PRAMEF1: variants seen among roughly 807,000 people sequenced by gnomAD.
PRAMEF1 encodes the protein PRAME family member 1.
Under a neutral mutation model 38.2 loss-of-function variants are expected in PRAMEF1, and 21 were observed. The ratio of observed to expected loss-of-function variants is 0.55; its 90% CI spans 0.39 to 0.79. The LOEUF (loss-of-function observed/expected upper bound fraction) is 0.79, where lower values mean the gene tolerates loss of function less well. PRAMEF1 is among the 30% of genes least tolerant of loss of function. The pLI is 0.00. For synonymous variants in PRAMEF1, 200 were observed against 229.0 expected (o/e 0.87, Z 1.14); for missense variants, 497 against 565.8 (o/e 0.88, Z 1.23).
At position 12,796,025 on chromosome 1, in the gene PRAMEF1, TC is replaced by T. The variant is rs201811966; in HGVS notation, c.*31del. 59,464 of 1,575,114 alleles carry T rather than the reference TC, an allele frequency of 0.038. 2,138 individuals are homozygous for T. Among genetic ancestry groups the T allele is most frequent in the Non-Finnish European group, 0.042 (48,776 of 1,158,656 alleles). On this transcript the variant is annotated 3_prime_UTR_variant, in exon 4 of 4. Coordinates refer to ENST00000332296, the MANE Select transcript of PRAMEF1 (RefSeq NM_023013.4). ...AGGCGTGCCCAGTGGGGTAGAGAAA[TC>T]CAAAGTTCTCTTCCAGGCACTTGGA...
intron 1 of PRAMEF1, among the ~76,000 whole-genome samples, chr1:12,792,585 GT>G (rs1417149293): frequency 6.6e-6 from 1 of 151,154 alleles, no homozygotes; most frequent in Non-Finnish European, 1.5e-5. Context: ...TTATCAATTT[GT>G]TTTTGTTTGA....
Position 12,793,967 on chromosome 1 carries a change from G to A in PRAMEF1, c.340G>A (p.Ala114Thr), listed in dbSNP as rs371596683. The change falls in exon 3 of 4, where the codon GCC becomes ACC. Residue 114 changes from alanine (A) to threonine (T), a missense_variant. Ala to Thr is a moderately conservative substitution (Grantham distance 58). Around this residue, in one of 2 missense-constraint regions of PRAMEF1, gnomAD observed 470 missense variants for 501.9 expected, o/e 0.94. Coordinates refer to ENST00000332296, the MANE Select transcript of PRAMEF1 (RefSeq NM_023013.4). Reference protein sequence around the residue: ...DLRDVDENFWARWPGAWALSC... With the variant: ...DLRDVDENFWTRWPGAWALSC... ...GCGGGATGTTGACGAGAATTTCTGG[G>A]CCAGATGGCCTGGAGCCTGGGCCCT... The A allele has an allele frequency of 3.1e-6, 5 of 1,609,092 alleles. No homozygotes were observed. In the African/African-American group the frequency reaches 4.0e-5, roughly 13 times the overall value.
intron 1 of PRAMEF1, among the ~76,000 whole-genome samples, chr1:12,792,373 C>A (rs2100295810): frequency 6.6e-6 from 1 of 151,302 alleles, no homozygotes; most frequent in South Asian, 2.1e-4. Flanking sequence ...TACCATCACA[C>A]CACTTTTACA....
rs1445371390 is a variant in PRAMEF1 at position 12,794,952 on chromosome 1, T to C, written c.866+459T>C. 5.3e-6 allele frequency: 7 copies of C among 1,322,192 alleles called. No individual in the cohort carries two copies. In the East Asian group the frequency reaches 3.7e-4, roughly 69 times the overall value. The allele number at this position is 1,322,192 out of a possible 1,614,324, so 81.9% of individuals were successfully genotyped here. On this transcript the variant is annotated intron_variant, in intron 3 of 3. Coordinates refer to ENST00000332296, the MANE Select transcript of PRAMEF1 (RefSeq NM_023013.4). ...CTGATTCCCTGTTTGTAAAAGGTTG[T>C]TTTGAACTCCAGGAAAGGTAATTGA...
rs1639399275 is a variant in PRAMEF1 at position 12,796,101 on chromosome 1, A to T, written c.*105A>T. On this transcript the variant is annotated 3_prime_UTR_variant, in exon 4 of 4. Coordinates refer to ENST00000332296, the MANE Select transcript of PRAMEF1 (RefSeq NM_023013.4). ...AAACTATTTTTCTCTTTTCTTATTT[A>T]TTTCATTTTTTAATAATTCCAAAAT... 7 of 1,324,786 alleles carry T rather than the reference A, an allele frequency of 5.3e-6. No homozygotes were observed. The highest frequency in any genetic ancestry group is 7.1e-6 in the Non-Finnish European group (7 of 987,280). The allele number at this position is 1,324,786 out of a possible 1,614,324, so 82.1% of individuals were successfully genotyped here. A position where few individuals can be genotyped will look rare whatever the true frequency, so the allele number is the denominator to read the frequency against.
At position 12,793,448 on chromosome 1, in the gene PRAMEF1, A is replaced by G. The variant is rs760745328; in HGVS notation, c.221A>G (p.His74Arg). The G allele has an allele frequency of 1.9e-6, 3 of 1,609,678 alleles. No individual in the cohort carries two copies. The highest frequency in any genetic ancestry group is 2.5e-6 in the Non-Finnish European group (3 of 1,177,852). The change falls in exon 2 of 4, where the codon CAT becomes CGT. Residue 74 changes from histidine (H) to arginine (R), a missense_variant. Coordinates refer to ENST00000332296, the MANE Select transcript of PRAMEF1 (RefSeq NM_023013.4). Reference protein sequence around the residue: ...LPLGSLMKTLHLETLKALLEG... With the variant: ...LPLGSLMKTLRLETLKALLEG... Reference sequence around the variant, plus strand: ...CTGGGATCACTGATGAAGACGCTTCATTTGGAGACCTTAAAAGCATTGCTG... The same window carrying G: ...CTGGGATCACTGATGAAGACGCTTCGTTTGGAGACCTTAAAAGCATTGCTG...
intron 1 of PRAMEF1, among the ~76,000 whole-genome samples, chr1:12,792,856 T>C (rs748285688): frequency 1.3e-5 from 2 of 151,056 alleles, no homozygotes; most frequent in South Asian, 2.1e-4. Context: ...TAAAAAATAA[T>C]GGCATCGATT....
Position 12,794,213 on chromosome 1 carries a change from A to G in PRAMEF1, c.586A>G (p.Arg196Gly), listed in dbSNP as rs559968047. The G allele has an allele frequency of 5.0e-4, 798 of 1,611,316 alleles. 24 individuals carry two copies. The South Asian group carries it at 8.4e-3, about 17-fold the overall frequency. ...VNYLTPIKYL[R>G]KSLKIIYLNS... ...TTATCTAACGCCGATTAAATATCTCAGAAAGTCATTGAAAATAATATACCT... is the reference window on the plus strand; with the variant it reads ...TTATCTAACGCCGATTAAATATCTCGGAAAGTCATTGAAAATAATATACCT... Residue 196 changes from arginine (R) to glycine (G), a missense_variant, in exon 3 of 4, where the codon AGA (arginine) becomes GGA (glycine). Arg to Gly is a moderately radical substitution (Grantham distance 125, BLOSUM62 -2). Coordinates refer to ENST00000332296, the MANE Select transcript of PRAMEF1 (RefSeq NM_023013.4).
At position 12,793,346 on chromosome 1, in the gene PRAMEF1, T is replaced by C; in HGVS notation, c.119T>C (p.Phe40Ser). ...ELPRVLYLPL[F>S]MEAFSRRHFQ... ...CCCAGGGTGCTCTATCTCCCACTCT[T>C]CATGGAGGCCTTCAGCAGGAGACAC... The change falls in exon 2 of 4, where the codon TTC (phenylalanine) becomes TCC (serine). Residue 40 changes from phenylalanine to serine, a missense_variant. Phe to Ser is a radical substitution (Grantham distance 155). Around this residue, in one of 2 missense-constraint regions of PRAMEF1, gnomAD observed 470 missense variants for 501.9 expected, o/e 0.94. Coordinates refer to ENST00000332296, the MANE Select transcript of PRAMEF1 (RefSeq NM_023013.4). 6.2e-7 allele frequency: 1 copy of C among 1,609,588 alleles called. No homozygotes were observed. Among genetic ancestry groups the C allele is most frequent in the Non-Finnish European group, 8.5e-7 (1 of 1,177,866 alleles).
chr1:12,792,713 G>A (rs2359495), intron 1 of PRAMEF1, among the ~76,000 whole-genome samples: 1 of 151,172 alleles, frequency 6.6e-6, no homozygotes, highest in African/African-American at 2.4e-5. Context: ...GTAGAGACAT[G>A]GTTTCATTAT....
chr1:12,794,304 G>A lies in PRAMEF1; in HGVS notation c.677G>A (p.Cys226Tyr), dbSNP rs771105453. The A allele has an allele frequency of 6.2e-7, 1 of 1,612,106 alleles. No homozygotes were observed. Among genetic ancestry groups the A allele is most frequent in the Non-Finnish European group, 8.5e-7 (1 of 1,179,034 alleles). ...CCACGTCTGATAAGAAAGCTTCGTT[G>A]TTACCTGAAGGAGATGAAGAATCTT... is the stretch of plus-strand genomic sequence containing the variant. ...SWPRLIRKLR[C>Y]YLKEMKNLRK... Residue 226 changes from cysteine to tyrosine, a missense_variant, in exon 3 of 4, where the codon TGT becomes TAT. Physicochemically the swap from Cys to Tyr is radical, Grantham distance 194 (BLOSUM62 -2). Around this residue, in one of 2 missense-constraint regions of PRAMEF1, gnomAD observed 470 missense variants for 501.9 expected, o/e 0.94. Transcript: ENST00000332296.
chr1:12,793,269 G>A lies in PRAMEF1; in HGVS notation c.42G>A (p.Gly14=), dbSNP rs201244464. Residue 14 remains glycine (G), a synonymous_variant, in exon 2 of 4, where the codon GGG becomes GGA. Transcript: ENST00000332296. ...CACCCAGACTACTGGAGCTGGCAGG[G>A]CAGAGCCTGCTGAGAGACCAGGCCT... ...QAPPRLLELA[G]QSLLRDQALS... is the part of the protein sequence containing the mutation. The A allele has an allele frequency of 1.7e-4, 275 of 1,607,476 alleles. 11 individuals carry two copies. Among genetic ancestry groups the A allele is most frequent in the South Asian group, 5.6e-4 (51 of 90,324 alleles).
In PRAMEF1 at chr1:12,793,407, C is replaced by T. The variant is rs751030698; in HGVS notation, c.180C>T (p.Pro60=). 1.2e-6 allele frequency: 2 copies of T among 1,610,152 alleles called. No individual in the cohort carries two copies. Among genetic ancestry groups the T allele is most frequent in the African/African-American group, 1.3e-5 (1 of 74,802 alleles). ...QTLTVMVQAW[P]FTCLPLGSLM... The stretch of plus-strand genomic sequence containing the variant: ...TGACGGTGATGGTTCAGGCCTGGCC[C>T]TTCACCTGCCTCCCTCTGGGATCAC... The change falls in exon 2 of 4, where the codon CCC becomes CCT. Residue 60 remains proline, a synonymous_variant. Coordinates refer to ENST00000332296, the MANE Select transcript of PRAMEF1 (RefSeq NM_023013.4).
chr1:12,794,998 G>A lies in PRAMEF1; in HGVS notation c.867-440G>A, dbSNP rs769492378. 1.6e-5 allele frequency: 21 copies of A among 1,313,806 alleles called. 1 individual carries two copies. The East Asian group carries it at 4.7e-4, about 29-fold the overall frequency. The allele number at this position is 1,313,806 out of a possible 1,614,324, so 81.4% of individuals were successfully genotyped here. ...ATTGACATGGGAAATGCGTGCTTCC[G>A]GGATGGAGGTGAGGGAGTAGGCGTG... On this transcript the variant is annotated intron_variant, in intron 3 of 3. Coordinates refer to ENST00000332296, the MANE Select transcript of PRAMEF1 (RefSeq NM_023013.4).
In PRAMEF1 at chr1:12,795,503, A is replaced by C; in HGVS notation, c.932A>C (p.Lys311Thr). 7 of 1,612,370 alleles carry C rather than the reference A, an allele frequency of 4.3e-6. No individual in the cohort carries two copies. The highest frequency in any genetic ancestry group is 5.9e-6 in the Non-Finnish European group (7 of 1,179,224). ...GGCTACCTATTGGAAGAAGACATGA[A>C]GTGTCTCTCCCAGTACCCAAGCCTC... ...TYGYLLEEDM[K>T]CLSQYPSLGY... Residue 311 changes from lysine (K) to threonine (T), a missense_variant, in exon 4 of 4, where the codon AAG becomes ACG. Lys to Thr is a moderately conservative substitution (Grantham distance 78). Around this residue, in one of 2 missense-constraint regions of PRAMEF1, gnomAD observed 470 missense variants for 501.9 expected, o/e 0.94. Transcript: ENST00000332296.
At position 12,795,928 on chromosome 1, in the gene PRAMEF1, G is replaced by A. The variant is rs757140413; in HGVS notation, c.1357G>A (p.Gly453Ser). 1.9e-6 allele frequency: 3 copies of A among 1,610,950 alleles called. No individual in the cohort carries two copies. The highest frequency in any genetic ancestry group is 2.5e-6 in the Non-Finnish European group (3 of 1,179,664). ...CAGGCAGCCCAAGAGGATCTTCATT[G>A]GCCCCACCCCCTGCCCTTCCTGTGG... ...EVRQPKRIFI[G>S]PTPCPSCGSS... is the part of the protein sequence containing the mutation. The change falls in exon 4 of 4, where the codon GGC becomes AGC. Residue 453 changes from glycine (G) to serine (S), a missense_variant. Gly to Ser is a moderately conservative substitution (Grantham distance 56). Coordinates refer to ENST00000332296, the MANE Select transcript of PRAMEF1 (RefSeq NM_023013.4).
intron 3 of PRAMEF1, 84 bp from the exon 4 acceptor site, chr1:12,795,354 T>C: frequency 4.1e-6 from 6 of 1,448,838 alleles, no homozygotes; most frequent in Non-Finnish European, 4.7e-6. Context: ...TTGTGTTTGT[T>C]TGACGCAGGC....
In PRAMEF1 at chr1:12,793,407, C is replaced by A; in HGVS notation, c.180C>A (p.Pro60=). 1 of 1,610,152 alleles carries A rather than the reference C, an allele frequency of 6.2e-7. No individual in the cohort carries two copies. The highest frequency in any genetic ancestry group is 8.5e-7 in the Non-Finnish European group (1 of 1,177,948). Residue 60 remains proline, a synonymous_variant, in exon 2 of 4, where the codon CCC becomes CCA. Transcript: ENST00000332296. ...QTLTVMVQAW[P]FTCLPLGSLM... The stretch of plus-strand genomic sequence containing the variant: ...TGACGGTGATGGTTCAGGCCTGGCC[C>A]TTCACCTGCCTCCCTCTGGGATCAC...
At position 12,796,343 on chromosome 1, in the gene PRAMEF1, T is replaced by C. The variant is rs1639404821; in HGVS notation, c.*347T>C. The C allele has an allele frequency of 6.1e-6, 2 of 328,874 alleles. No individual in the cohort carries two copies. The highest frequency in any genetic ancestry group is 4.7e-5 in the Admixed American group (1 of 21,158). The allele number at this position is 328,874 out of a possible 1,614,324, so 20.4% of individuals were successfully genotyped here. On this transcript the variant is annotated 3_prime_UTR_variant, in exon 4 of 4. Transcript: ENST00000332296. ...AGCAGGGGGCAAGGTTGGAGGAAAA[T>C]GTTGAGGTGACATCAGTGAGAACTT... is the stretch of plus-strand genomic sequence containing the variant.
Sources: gnomAD v4.1 joint callset for allele counts (sites outside exome capture counted in the v4.1 genomes callset) on GRCh38, gnomAD v4.1.1 for gene constraint, gnomAD v4.1.1 regional missense constraint, MANE v1.5 for transcripts, NCBI Gene and HGNC (gene_info 2026-07-23, HGNC 2026-07-21) for gene names.